The following FAM118B variants were observed in gnomAD, a reference collection of about 807,000 sequenced individuals.
The protein encoded by FAM118B is SIR2 antiphage like 1.
Under a neutral mutation model 38.5 loss-of-function variants are expected in FAM118B, and 24 were observed. The ratio of observed to expected loss-of-function variants is 0.62; its 90% CI spans 0.45 to 0.88. The LOEUF (loss-of-function observed/expected upper bound fraction) is 0.88, where lower values mean the gene tolerates loss of function less well. FAM118B is among the 40% of genes least tolerant of loss of function. FAM118B has a pLI of 0.00. For missense variants in FAM118B, 334 were observed against 420.0 expected (o/e 0.80, Z 1.79); for synonymous variants, 138 against 156.3 (o/e 0.88, Z 0.87).
At chr11:126,235,585 C>T (rs1034219566) in intron 3 of FAM118B, among the ~76,000 whole-genome samples, 8 of 152,076 alleles carry the variant, frequency 5.3e-5, no homozygotes, top group Admixed American at 6.6e-5. Context: ...GTGGCACGAT[C>T]TTGGCTCACT....
rs182479791 is a variant in FAM118B at position 126,240,692 on chromosome 11, A to G, written c.87-100A>G. ...ACTGCTGTTCATCTTCTTTGCAACT[A>G]TAAAAGTTAGCTAAAAACTGTAACC... On this transcript the variant is annotated intron_variant, in intron 3 of 8. Coordinates refer to ENST00000533050, the MANE Select transcript of FAM118B (RefSeq NM_024556.4). 5.5e-4 allele frequency: 707 copies of G among 1,276,768 alleles called. 4 individuals are homozygous for G. The African/African-American group carries it at 9.2e-3, about 17-fold the overall frequency. 79.1% of individuals were successfully genotyped at this position (1,276,768 alleles called of 1,614,324 possible). A position where few individuals can be genotyped will look rare whatever the true frequency, so the allele number is the denominator to read the frequency against.
chr11:126,225,800 T>G (rs1166882584), intron 1 of FAM118B, among the ~76,000 whole-genome samples: 2 of 152,078 alleles, frequency 1.3e-5, no homozygotes, highest in Non-Finnish European at 1.5e-5. Flanking sequence ...GCCAACATGG[T>G]GGAACCCTGT....
chr11:126,240,243 G>C (rs1388121143), intron 3 of FAM118B, among the ~76,000 whole-genome samples: 1 of 146,612 alleles, frequency 6.8e-6, no homozygotes, highest in Admixed American at 6.8e-5. Context: ...GGGCCCCTGT[G>C]TTTTCAGAAT....
intron 3 of FAM118B, among the ~76,000 whole-genome samples, chr11:126,240,112 G>A (rs1307320197): frequency 6.6e-6 from 1 of 152,196 alleles, no homozygotes; most frequent in Non-Finnish European, 1.5e-5. Context: ...TAGCACCCAT[G>A]CTGTCTCACA....
chr11:126,233,759 A>G (rs1950236776), intron 2 of FAM118B: 1 of 456,200 alleles, frequency 2.2e-6, no homozygotes, highest in Non-Finnish European at 4.4e-6. Context: ...CAAAAAATTA[A>G]TTCAGAAACT....
chr11:126,221,949 G>C (rs745988948), intron 1 of FAM118B, among the ~76,000 whole-genome samples: 1 of 152,024 alleles, frequency 6.6e-6, no homozygotes, highest in Non-Finnish European at 1.5e-5. Context: ...CCTCATCCAG[G>C]CATGTGAAAC....
At chr11:126,241,466 A>G (rs1472488720) in intron 4 of FAM118B, among the ~76,000 whole-genome samples, 1 of 152,216 alleles carries the variant, frequency 6.6e-6, no homozygotes, top group Non-Finnish European at 1.5e-5. Flanking sequence ...ATAAGTCAAA[A>G]TATTTAGAAG....
chr11:126,219,920 A>G (rs1312267179), intron 1 of FAM118B, among the ~76,000 whole-genome samples: 2 of 151,796 alleles, frequency 1.3e-5, no homozygotes, highest in Non-Finnish European at 2.9e-5. Context: ...TTAATAAGAC[A>G]TTGAAGGAAG....
intron 7 of FAM118B, among the ~76,000 whole-genome samples, chr11:126,257,605 ATTTT>A (rs5795488): frequency 7.1e-6 from 1 of 140,960 alleles, no homozygotes. Flanking sequence ...AGAATTGTAC[ATTTT>A]TTTTTTTTTT....
chr11:126,247,417 A>T (rs1455845926), intron 4 of FAM118B, among the ~76,000 whole-genome samples: 2 of 152,222 alleles, frequency 1.3e-5, no homozygotes, highest in Non-Finnish European at 2.9e-5. Flanking sequence ...CTTAATTAAA[A>T]TAAGTGACCT....
At chr11:126,230,312 C>T (rs1400188852) in intron 2 of FAM118B, among the ~76,000 whole-genome samples, 3 of 152,206 alleles carry the variant, frequency 2.0e-5, no homozygotes, top group East Asian at 1.9e-4. Flanking sequence ...TAGTACTTCA[C>T]TTTGGGTATC....
chr11:126,257,734 T>A (rs1463754563), intron 7 of FAM118B, among the ~76,000 whole-genome samples: 1 of 152,146 alleles, frequency 6.6e-6, no homozygotes, highest in African/African-American at 2.4e-5. Context: ...GATGATTATG[T>A]ATTATATTTA....
At chr11:126,239,653 A>G (rs661700) in intron 3 of FAM118B, among the ~76,000 whole-genome samples, 45,257 of 152,026 alleles carry the variant, frequency 0.3, 7,331 homozygotes, top group South Asian at 0.38. Flanking sequence ...AGCTGGGACT[A>G]CAGGTGTGCG....
intron 1 of FAM118B, among the ~76,000 whole-genome samples, chr11:126,212,825 T>C (rs555969046): frequency 1.7e-4 from 26 of 152,192 alleles, no homozygotes; most frequent in Non-Finnish European, 3.8e-4. Flanking sequence ...TTGAAGAGTT[T>C]GAACTAGAGG....
Position 126,262,305 on chromosome 11 carries a change from A to C in FAM118B, c.*172A>C. 4.8e-6 allele frequency: 3 copies of C among 626,706 alleles called. No homozygotes were observed. Among genetic ancestry groups the C allele is most frequent in the South Asian group, 1.9e-5 (1 of 52,594 alleles). The allele number at this position is 626,706 out of a possible 1,614,324, so 38.8% of individuals were successfully genotyped here. A position where few individuals can be genotyped will look rare whatever the true frequency, so the allele number is the denominator to read the frequency against. ...ATGTTGCAGCGTAATCCTTCATACC[A>C]CCTGGTTCTTGATATTCTGCCGCCT... On this transcript the variant is annotated 3_prime_UTR_variant, in exon 9 of 9. Coordinates refer to ENST00000533050, the MANE Select transcript of FAM118B (RefSeq NM_024556.4).
At chr11:126,238,225 G>A (rs1452946281) in intron 3 of FAM118B, among the ~76,000 whole-genome samples, 1 of 152,040 alleles carries the variant, frequency 6.6e-6, no homozygotes, top group Non-Finnish European at 1.5e-5. Flanking sequence ...GGCTGGGTGT[G>A]GTGGCACGTG....
At chr11:126,246,012 A>G (rs1314954883) in intron 4 of FAM118B, among the ~76,000 whole-genome samples, 1 of 151,244 alleles carries the variant, frequency 6.6e-6, no homozygotes, top group Non-Finnish European at 1.5e-5. Context: ...AAAAAAAAAG[A>G]AAGAAAGAAA....
At chr11:126,258,055 A>G (rs765280474) in intron 7 of FAM118B, among the ~76,000 whole-genome samples, 2 of 152,180 alleles carry the variant, frequency 1.3e-5, no homozygotes, top group African/African-American at 2.4e-5. Context: ...TGTGCACAGA[A>G]TATTTCCTGA....
intron 2 of FAM118B, among the ~76,000 whole-genome samples, chr11:126,230,252 G>A (rs1294665033): frequency 6.6e-6 from 1 of 152,158 alleles, no homozygotes; most frequent in Non-Finnish European, 1.5e-5. Context: ...AAGTCTTTAG[G>A]ATTTTATTTA....
Sources: gnomAD v4.1 joint callset for allele counts (sites outside exome capture counted in the v4.1 genomes callset) on GRCh38, gnomAD v4.1.1 for gene constraint, MANE v1.5 for transcripts, NCBI Gene and HGNC (gene_info 2026-07-23, HGNC 2026-07-21) for gene names.